Variants in ZNF20 observed in about 807,000 individuals in gnomAD.
ZNF20 encodes the protein zinc finger protein KOX13.
A neutral mutation model predicts 11.0 loss-of-function variants in ZNF20; 9 were observed. That is an observed-to-expected ratio of 0.82 (90% CI 0.49 to 1.43). ZNF20 has a LOEUF of 1.43. ZNF20 is among the 40% of genes most tolerant of loss of function. ZNF20 has a pLI of 0.00. For missense variants in ZNF20, 528 were observed against 640.8 expected (o/e 0.82, Z 1.90); for synonymous variants, 182 against 213.0 (o/e 0.85, Z 1.27).
rs1976669153 is a variant in ZNF20 at position 12,133,949 on chromosome 19, ACTTT to A, written c.233_236del (p.Glu78ValfsTer16). ...GGTTGAAGCTTTCTCCACAGTGATG[ACTTT>A]CTTTACTTTCACAGAGTTTCTCTCT... On this transcript the variant is annotated frameshift_variant, in exon 4 of 4. Transcript: ENST00000334213. LOFTEE classifies it low-confidence loss of function (END_TRUNC). 6.2e-7 allele frequency: 1 copy of A among 1,610,522 alleles called. No homozygotes were observed. Among genetic ancestry groups the A allele is most frequent in the Non-Finnish European group, 8.5e-7 (1 of 1,178,238 alleles).
In ZNF20 at chr19:12,133,756, T is replaced by C; in HGVS notation, c.430A>G (p.Arg144Gly). ...EYQEYGENPY[R>G]NKECKKAFSY... ...AAGGCTTTCTTACATTCCTTATTTCTATATGGATTCTCTCCATATTCCTGA... is the reference window on the plus strand; with the variant it reads ...AAGGCTTTCTTACATTCCTTATTTCCATATGGATTCTCTCCATATTCCTGA... The change falls in exon 4 of 4, where the codon AGA (arginine) becomes GGA (glycine). Residue 144 changes from arginine to glycine, a missense_variant. Arg to Gly is a moderately radical substitution (Grantham distance 125). Transcript: ENST00000334213. 1 of 1,614,152 alleles carries C rather than the reference T, an allele frequency of 6.2e-7. No homozygotes were observed. Among genetic ancestry groups the C allele is most frequent in the Non-Finnish European group, 8.5e-7 (1 of 1,179,978 alleles).
At chr19:12,140,124 C>A (rs1976777116) in intron 1 of ZNF20, 56 bp downstream of exon 1, 2 of 1,572,688 alleles carry the variant, frequency 1.3e-6, no homozygotes, top group East Asian at 4.7e-5. Flanking sequence ...CAGCCGCTTC[C>A]GGCCGGTTCC....
At position 12,131,426 on chromosome 19, in the gene ZNF20, T is replaced by A. The variant is rs1976620724; in HGVS notation, c.*1161A>T. 6.6e-6 allele frequency: 1 copy of A among 152,218 alleles called. No individual in the cohort carries two copies. The highest frequency in any genetic ancestry group is 1.9e-4 in the East Asian group (1 of 5,206). The allele number at this position is 152,218 out of a possible 1,614,324, so 9.4% of individuals were successfully genotyped here. On this transcript the variant is annotated 3_prime_UTR_variant, in exon 4 of 4. Transcript: ENST00000334213. ...CAGTCATCTATGGCTTTTGGTCATA[T>A]TCATTACCACAGTATATTATTACAC...
At chr19:12,136,754 G>A (rs747008816) in intron 1 of ZNF20, 9 of 345,774 alleles carry the variant, frequency 2.6e-5, no homozygotes, top group Non-Finnish European at 4.5e-5. Flanking sequence ...ATTAACAGAT[G>A]GAAAGATAGA....
intron 1 of ZNF20, among the ~76,000 whole-genome samples, chr19:12,138,926 G>C (rs1277202933): frequency 6.6e-6 from 1 of 152,246 alleles, no homozygotes. Flanking sequence ...AACTGCTGAA[G>C]AGTTAGGGCG....
intron 1 of ZNF20, among the ~76,000 whole-genome samples, chr19:12,138,442 T>A (rs1976746406): frequency 9.0e-6 from 1 of 111,666 alleles, no homozygotes; most frequent in Admixed American, 9.0e-5. Context: ...AGAGACTTTC[T>A]CTCAAAAAAA....
rs999550074 is a variant in ZNF20 at position 12,131,649 on chromosome 19, C to T, written c.*938G>A. On this transcript the variant is annotated 3_prime_UTR_variant, in exon 4 of 4. Coordinates refer to ENST00000334213, the MANE Select transcript of ZNF20 (RefSeq NM_021143.4). ...TGGCAACACTGACTCACAGTGACCA[C>T]CGGATAACATGGTAACATTATCAAC... The T allele has an allele frequency of 6.6e-6, 1 of 152,180 alleles. No homozygotes were observed. Among genetic ancestry groups the T allele is most frequent in the Non-Finnish European group, 1.5e-5 (1 of 68,024 alleles). The allele number at this position is 152,180 out of a possible 1,614,324, so 9.4% of individuals were successfully genotyped here. A position where few individuals can be genotyped will look rare whatever the true frequency, so the allele number is the denominator to read the frequency against.
intron 1 of ZNF20, among the ~76,000 whole-genome samples, chr19:12,138,051 G>A (rs1015978532): frequency 6.6e-6 from 1 of 152,204 alleles, no homozygotes; most frequent in African/African-American, 2.4e-5. Flanking sequence ...GGCCAGGAGA[G>A]ATGGGAGCTG....
At position 12,135,425 on chromosome 19, in the gene ZNF20, C is replaced by A. The variant is rs1479023206; in HGVS notation, c.200+75G>T. The A allele has an allele frequency of 4.7e-6, 7 of 1,487,118 alleles. No homozygotes were observed. The East Asian group carries it at 1.1e-4, about 24-fold the overall frequency. The allele number at this position is 1,487,118 out of a possible 1,614,324, so 92.1% of individuals were successfully genotyped here. A position where few individuals can be genotyped will look rare whatever the true frequency, so the allele number is the denominator to read the frequency against. ...AAAGTGCTGGGATTACAGGCGTGAGCCACTGTACCCGGCCTATTTTCTCAC... is the reference window on the plus strand; with the variant it reads ...AAAGTGCTGGGATTACAGGCGTGAGACACTGTACCCGGCCTATTTTCTCAC... On this transcript the variant is annotated intron_variant, in intron 3 of 3. Transcript: ENST00000334213.
intron 1 of ZNF20, 121 bp downstream of exon 1, chr19:12,140,057 CAG>C: frequency 1.5e-6 from 2 of 1,322,206 alleles, no homozygotes; most frequent in Non-Finnish European, 2.1e-6. Flanking sequence ...CGAGCTGAGA[CAG>C]AGGGATTCGG....
rs899329266 is a variant in ZNF20, at chr19:12,132,448, T to C, written c.*139A>G. 26 of 842,866 alleles carry C rather than the reference T, an allele frequency of 3.1e-5. No individual in the cohort carries two copies. Among genetic ancestry groups the C allele is most frequent in the Admixed American group, 8.7e-5 (3 of 34,670 alleles). The allele number at this position is 842,866 out of a possible 1,614,324, so 52.2% of individuals were successfully genotyped here. A position where few individuals can be genotyped will look rare whatever the true frequency, so the allele number is the denominator to read the frequency against. ...CGAAACCATCCAAGTTCTTCTAGAT[T>C]TTATTGTCCTATCGCAAGTCTCTCT... On this transcript the variant is annotated 3_prime_UTR_variant, in exon 4 of 4. Transcript: ENST00000334213.
chr19:12,135,182 C>T (rs1057117034), intron 3 of ZNF20, among the ~76,000 whole-genome samples: 1 of 151,774 alleles, frequency 6.6e-6, no homozygotes, highest in Non-Finnish European at 1.5e-5. Context: ...CTCTGTCACC[C>T]AGGCTGGAGT....
In ZNF20 at chr19:12,131,853, G is replaced by A. The variant is rs1385578214; in HGVS notation, c.*734C>T. On this transcript the variant is annotated 3_prime_UTR_variant, in exon 4 of 4. Transcript: ENST00000334213. ...TTTTAGTCAGGTATACTCATACAAA[G>A]TTAAAAACGAAGTGAGACATTACAT... 1 of 152,180 alleles carries A rather than the reference G, an allele frequency of 6.6e-6. No individual in the cohort carries two copies. Among genetic ancestry groups the A allele is most frequent in the East Asian group, 1.9e-4 (1 of 5,206 alleles). 9.4% of individuals were successfully genotyped at this position (152,180 alleles called of 1,614,324 possible). A position where few individuals can be genotyped will look rare whatever the true frequency, so the allele number is the denominator to read the frequency against.
In ZNF20 at chr19:12,135,872, C is replaced by T; in HGVS notation, c.36G>A (p.Val12=). 1 of 1,614,090 alleles carries T rather than the reference C, an allele frequency of 6.2e-7. No individual in the cohort carries two copies. The highest frequency in any genetic ancestry group is 8.5e-7 in the Non-Finnish European group (1 of 1,180,016). The change falls in exon 2 of 4, where the codon GTG becomes GTA. Residue 12 remains valine, a synonymous_variant. Transcript: ENST00000334213. ...MFQDSVAFED[V]AVSFTQEEWA... ...ACTCCTCCTGGGTGAAGCTGACAGC[C>T]ACATCCTCAAAGGCCACTGAATCCT...
Position 12,133,029 on chromosome 19 carries a change from TC to T in ZNF20, c.1156del (p.Glu386LysfsTer152), listed in dbSNP as rs766856178. 2 of 1,614,066 alleles carry T rather than the reference TC, an allele frequency of 1.2e-6. No homozygotes were observed. The highest frequency in any genetic ancestry group is 3.3e-5 in the Admixed American group (2 of 60,012). ...GGGTTTCTCTCCACTGTGCGTCCTT[TC>T]ATGAATTTGAAGTTGTGAAGCACAT... ...FRCASQLQIH[E>X]RTHSGEKPHE... On this transcript the variant is annotated frameshift_variant, in exon 4 of 4. Coordinates refer to ENST00000334213, the MANE Select transcript of ZNF20 (RefSeq NM_021143.4). LOFTEE classifies it low-confidence loss of function (END_TRUNC).
chr19:12,134,511 C>T (rs1338664072), intron 3 of ZNF20, among the ~76,000 whole-genome samples: 1 of 152,000 alleles, frequency 6.6e-6, no homozygotes, highest in African/African-American at 2.4e-5. Flanking sequence ...GGTGTGACGG[C>T]GTGCGCTTGT....
rs1454171767 is a variant in ZNF20 at position 12,139,430 on chromosome 19, C to T, written c.3+750G>A. ...CGCCAAGAACCTGGACCCCCTCCAC[C>T]GTTAACAAAATGCAATTCTTCTTAA... On this transcript the variant is annotated intron_variant, in intron 1 of 3. Transcript: ENST00000334213. The surrounding 1 kb of genome is among the most constrained non-coding windows in gnomAD (Gnocchi z 4.0). 1.4e-4 allele frequency among the ~76,000 whole-genome samples: 22 copies of T among 152,146 alleles called. No homozygotes were observed. The highest frequency in any genetic ancestry group is 1.4e-3 in the Admixed American group (22 of 15,264).
In ZNF20 at chr19:12,132,865, G is replaced by A; in HGVS notation, c.1321C>T (p.His441Tyr). ...AFRYFSSLHIHERTHTGDKPY... is the reference protein window; with the variant it reads ...AFRYFSSLHIYERTHTGDKPY... Reference sequence around the variant, plus strand: ...TTATCTCCAGTGTGTGTCCTTTCATGTATATGCAAGGAAGAGAAATACCTG... The same window carrying A: ...TTATCTCCAGTGTGTGTCCTTTCATATATATGCAAGGAAGAGAAATACCTG... Residue 441 changes from histidine to tyrosine, a missense_variant, in exon 4 of 4, where the codon CAT (histidine) becomes TAT (tyrosine). His to Tyr is a moderately conservative substitution (Grantham distance 83, BLOSUM62 2). Coordinates refer to ENST00000334213, the MANE Select transcript of ZNF20 (RefSeq NM_021143.4). 9 of 1,614,156 alleles carry A rather than the reference G, an allele frequency of 5.6e-6. No individual in the cohort carries two copies. The highest frequency in any genetic ancestry group is 6.8e-6 in the Non-Finnish European group (8 of 1,180,022).
chr19:12,134,897 T>G (rs1276289077), intron 3 of ZNF20, among the ~76,000 whole-genome samples: 1 of 152,056 alleles, frequency 6.6e-6, no homozygotes, highest in Non-Finnish European at 1.5e-5. Flanking sequence ...AGTTGGGGTC[T>G]CAACTCACCC....
Sources: allele counts gnomAD v4.1 joint callset (sites outside exome capture counted in the v4.1 genomes callset), GRCh38; gene constraint gnomAD v4.1.1; non-coding constraint Gnocchi (gnomAD v3.1); transcripts MANE v1.5; gene names NCBI Gene and HGNC (gene_info 2026-07-23, HGNC 2026-07-21).